Variants in TMTC2 observed in about 807,000 individuals in gnomAD.
The protein encoded by TMTC2 is transmembrane O-mannosyltransferase targeting cadherins 2.
TMTC2 carries 43 observed loss-of-function variants against 82.4 expected under a neutral mutation model. That is an observed-to-expected ratio of 0.52 (90% CI 0.41 to 0.67). The LOEUF (loss-of-function observed/expected upper bound fraction) is 0.67. Ranked by LOEUF, TMTC2 falls within the 30% of genes least tolerant of loss-of-function variation. The probability of loss-of-function intolerance (pLI) is 0.00; values close to 1 mark genes in which losing one functional copy is unlikely to be tolerated. For missense variants in TMTC2, 919 were observed against 1,012.4 expected (o/e 0.91, Z 1.25); for synonymous variants, 408 against 381.9 (o/e 1.07, Z -0.80).
chr12:82,728,549 T>C (rs1874583447), intron 1 of TMTC2, among the ~76,000 whole-genome samples: 1 of 152,150 alleles, frequency 6.6e-6, no homozygotes, highest in South Asian at 2.1e-4. Context: ...GGTGAAATCC[T>C]GTCTCTACCA....
At chr12:83,018,676 C>T (rs1655607) in intron 8 of TMTC2, among the ~76,000 whole-genome samples, 112,704 of 140,306 alleles carry the variant, frequency 0.8, 44,449 homozygotes, top group South Asian at 0.93. Flanking sequence ...TTTTTTTTTT[C>T]CCTTATGAGG....
intron 10 of TMTC2, among the ~76,000 whole-genome samples, chr12:83,052,074 G>T (rs1882369452): frequency 6.6e-6 from 1 of 151,956 alleles, no homozygotes; most frequent in Non-Finnish European, 1.5e-5. Context: ...TTCATTAAAT[G>T]ACTTCTATAC....
At chr12:82,910,033 T>G (rs1265458381) in intron 3 of TMTC2, among the ~76,000 whole-genome samples, 3 of 152,182 alleles carry the variant, frequency 2.0e-5, no homozygotes, top group Non-Finnish European at 4.4e-5. Flanking sequence ...ATAGATACAA[T>G]TGCTGATATT....
chr12:82,826,346 A>G (rs1303732699), intron 1 of TMTC2, among the ~76,000 whole-genome samples: 1 of 152,180 alleles, frequency 6.6e-6, no homozygotes, highest in Non-Finnish European at 1.5e-5. Context: ...GAACCCACGA[A>G]TACCATGTTG....
chr12:82,919,096 G>C (rs1458780309), intron 3 of TMTC2, among the ~76,000 whole-genome samples: 1 of 152,174 alleles, frequency 6.6e-6, no homozygotes, highest in Non-Finnish European at 1.5e-5. Flanking sequence ...ACATGTATTT[G>C]GCTCACAGTT....
intron 11 of TMTC2, among the ~76,000 whole-genome samples, chr12:83,116,652 A>T (rs1884771872): frequency 6.6e-6 from 1 of 152,166 alleles, no homozygotes; most frequent in Non-Finnish European, 1.5e-5. Flanking sequence ...GTGGTATCTC[A>T]TTGTGGCTTT....
intron 1 of TMTC2, among the ~76,000 whole-genome samples, chr12:82,708,906 T>A (rs1278090980): frequency 6.6e-6 from 1 of 152,214 alleles, no homozygotes; most frequent in Admixed American, 6.5e-5. Context: ...GGTATCCATT[T>A]TTCTCATGTG....
At chr12:83,128,560 C>T (rs756563473) in intron 11 of TMTC2, among the ~76,000 whole-genome samples, 189 of 152,114 alleles carry the variant, frequency 1.2e-3, no homozygotes, top group Non-Finnish European at 1.9e-3. Context: ...TTCACAGAAG[C>T]TGTGAAATGA....
chr12:83,085,811 T>G (rs1883633221), intron 11 of TMTC2, among the ~76,000 whole-genome samples: 1 of 152,230 alleles, frequency 6.6e-6, no homozygotes, highest in African/African-American at 2.4e-5. Flanking sequence ...ATAATTTTCT[T>G]GCTTACAATA....
At chr12:82,871,685 G>GTGTGTA (rs1471492795) in intron 2 of TMTC2, among the ~76,000 whole-genome samples, 71 of 113,898 alleles carry the variant, frequency 6.2e-4, no homozygotes, top group African/African-American at 3.3e-3. Flanking sequence ...GCTCATCTGT[G>GTGTGTA]TGTGTGTGTG....
intron 1 of TMTC2, among the ~76,000 whole-genome samples, chr12:82,808,747 A>G (rs556491220): frequency 6.6e-6 from 1 of 152,178 alleles, no homozygotes; most frequent in South Asian, 2.1e-4. Flanking sequence ...TTTAAGTGAT[A>G]AGCCTTTTTA....
intron 1 of TMTC2, among the ~76,000 whole-genome samples, chr12:82,816,767 A>C (rs535081138): frequency 2.0e-5 from 3 of 152,244 alleles, no homozygotes; most frequent in East Asian, 3.9e-4. Context: ...ATTACTGGAA[A>C]TATTTAGTAG....
At chr12:82,815,514 G>A (rs886101263) in intron 1 of TMTC2, among the ~76,000 whole-genome samples, 2 of 151,788 alleles carry the variant, frequency 1.3e-5, no homozygotes, top group Admixed American at 6.6e-5. Flanking sequence ...GGGTTTCACC[G>A]TGTTAGCCAG....
chr12:82,724,455 G>T (rs951410263), intron 1 of TMTC2, among the ~76,000 whole-genome samples: 2 of 152,158 alleles, frequency 1.3e-5, no homozygotes, highest in Non-Finnish European at 2.9e-5. Context: ...GTGATAGTGA[G>T]TGAGTTCTCA....
intron 9 of TMTC2, among the ~76,000 whole-genome samples, chr12:83,040,447 G>T (rs1881845336): frequency 6.6e-6 from 1 of 152,076 alleles, no homozygotes; most frequent in African/African-American, 2.4e-5. Context: ...TTAGTAAAAA[G>T]AAAAGGGGGA....
At chr12:82,767,247 T>G (rs1000307337) in intron 1 of TMTC2, among the ~76,000 whole-genome samples, 2 of 152,184 alleles carry the variant, frequency 1.3e-5, no homozygotes, top group Non-Finnish European at 2.9e-5. Context: ...TTTCTCTTTT[T>G]TCTGCTTTTG....
intron 1 of TMTC2, among the ~76,000 whole-genome samples, chr12:82,779,814 T>C (rs1023910657): frequency 1.3e-5 from 2 of 152,052 alleles, no homozygotes; most frequent in East Asian, 3.9e-4. Flanking sequence ...ACAGGAGAAT[T>C]GCTTGAACCA....
At chr12:82,968,807 G>A (rs1878329700) in intron 7 of TMTC2, among the ~76,000 whole-genome samples, 1 of 152,076 alleles carries the variant, frequency 6.6e-6, no homozygotes, top group African/African-American at 2.4e-5. Context: ...TGTGTCCCTG[G>A]GGGTTATTGC....
chr12:82,802,222 C>T (rs374552247), intron 1 of TMTC2, among the ~76,000 whole-genome samples: 2 of 152,286 alleles, frequency 1.3e-5, no homozygotes, highest in African/African-American at 4.8e-5. Context: ...GGCTCAGGTC[C>T]TAGGCTCCTC....
Sources: allele counts gnomAD v4.1 joint callset (sites outside exome capture counted in the v4.1 genomes callset), GRCh38; gene constraint gnomAD v4.1.1; transcripts MANE v1.5; gene names NCBI Gene and HGNC (gene_info 2026-07-23, HGNC 2026-07-21).